The following DIMT1 variants were observed in gnomAD, a reference collection of about 807,000 sequenced individuals.
DIMT1 encodes dimethyladenosine transferase.
DIMT1 carries 36 observed loss-of-function variants against 43.2 expected under a neutral mutation model. The observed-to-expected ratio is 0.83, with a 90% confidence interval of 0.64 to 1.10. The LOEUF (loss-of-function observed/expected upper bound fraction) is 1.10, where lower values mean the gene tolerates loss of function less well. Ranked by LOEUF, DIMT1 falls within the 50% of genes least tolerant of loss-of-function variation. DIMT1 has a pLI of 0.00. For synonymous variants in DIMT1, 126 were observed against 130.3 expected (o/e 0.97, Z 0.22); for missense variants, 341 against 385.3 (o/e 0.88, Z 0.96).
At chr5:62,400,974 C>T (rs1461029667) in intron 3 of DIMT1, among the ~76,000 whole-genome samples, 1 of 151,944 alleles carries the variant, frequency 6.6e-6, no homozygotes, top group Admixed American at 6.6e-5. Context: ...TGGTCTTCAA[C>T]TCCTAGGCTC....
At chr5:62,398,790 A>G in intron 4 of DIMT1, 30 bp downstream of exon 4, 1 of 1,613,924 alleles carries the variant, frequency 6.2e-7, no homozygotes, top group Non-Finnish European at 8.5e-7. Flanking sequence ...TGAGATTGAA[A>G]TGCACTTTAA....
chr5:62,401,727 C>T (rs185958269), intron 3 of DIMT1, among the ~76,000 whole-genome samples: 5 of 151,198 alleles, frequency 3.3e-5, no homozygotes, highest in African/African-American at 9.7e-5. Context: ...GGACTACAGG[C>T]ACCTGCCACC....
chr5:62,391,908 TTC>T (rs1351224580), intron 10 of DIMT1: 32 of 1,534,226 alleles, frequency 2.1e-5, no homozygotes, highest in Middle Eastern at 3.4e-4. Flanking sequence ...CTGAATCTGA[TTC>T]TTGTTATGGC....
chr5:62,400,274 G>T (rs1196920692), intron 3 of DIMT1, among the ~76,000 whole-genome samples: 2 of 152,096 alleles, frequency 1.3e-5, no homozygotes, highest in South Asian at 4.2e-4. Context: ...AAGAGATGGG[G>T]TCTCACTCTG....
At chr5:62,394,171 T>C (rs991880091) in intron 7 of DIMT1, 124 bp from the exon 8 acceptor site, 7 of 981,222 alleles carry the variant, frequency 7.1e-6, no homozygotes, top group Non-Finnish European at 1.1e-5. Flanking sequence ...ATTATTTCAA[T>C]AATAAAAATC....
chr5:62,402,583 G>A (rs1429555199), intron 2 of DIMT1, among the ~76,000 whole-genome samples: 2 of 152,126 alleles, frequency 1.3e-5, no homozygotes, highest in Non-Finnish European at 2.9e-5. Flanking sequence ...AATATTCTAC[G>A]GCCATAGCTT....
chr5:62,403,383 TG>T, intron 1 of DIMT1, 37 bp from the exon 2 acceptor site: 1 of 1,587,616 alleles, frequency 6.3e-7, no homozygotes. Context: ...ATTTTCCTAC[TG>T]AGATTAGATA....
rs544652332 is a variant in DIMT1 at position 62,403,609 on chromosome 5, G to C, written c.79+85C>G. The stretch of plus-strand genomic sequence containing the variant: ...GAGCGCGTCCTGACCGGCCTCTGCC[G>C]ATCAGGTCTTGGTCCGCACCCCAGG... On this transcript the variant is annotated intron_variant, in intron 1 of 11. Coordinates refer to ENST00000199320, the MANE Select transcript of DIMT1 (RefSeq NM_014473.4). 4.7e-6 allele frequency: 7 copies of C among 1,476,368 alleles called. No homozygotes were observed. The South Asian group carries it at 7.2e-5, about 15-fold the overall frequency. The allele number at this position is 1,476,368 out of a possible 1,614,324, so 91.5% of individuals were successfully genotyped here. A position where few individuals can be genotyped will look rare whatever the true frequency, so the allele number is the denominator to read the frequency against.
chr5:62,390,998 T>C lies in DIMT1; in HGVS notation c.793-16A>G. 1 of 1,602,130 alleles carries C rather than the reference T, an allele frequency of 6.2e-7. No homozygotes were observed. Among genetic ancestry groups the C allele is most frequent in the African/African-American group, 1.3e-5 (1 of 74,816 alleles). Reference sequence around the variant, plus strand: ...CTGGTATTATCTATCAATATAAGATTCAGAATAAATGAACGACATATCTTT... The same window carrying C: ...CTGGTATTATCTATCAATATAAGATCCAGAATAAATGAACGACATATCTTT... On this transcript the variant is annotated splice_polypyrimidine_tract_variant and intron_variant, in intron 10 of 11. Transcript: ENST00000199320.
At chr5:62,402,214 G>A (rs773197017) in intron 2 of DIMT1, 92 bp from the exon 3 acceptor site, 19 of 1,237,736 alleles carry the variant, frequency 1.5e-5, no homozygotes, top group Non-Finnish European at 1.6e-5. Flanking sequence ...TATGTGCTCC[G>A]ATAAGAGCTC....
At chr5:62,399,158 C>T (rs530366154) in intron 3 of DIMT1, among the ~76,000 whole-genome samples, 14 of 151,338 alleles carry the variant, frequency 9.3e-5, no homozygotes, top group Admixed American at 9.2e-4. Context: ...GGTGAAACCC[C>T]ATCTCTACTA....
intron 9 of DIMT1, chr5:62,392,670 G>C (rs1471569660): frequency 5.2e-6 from 2 of 385,776 alleles, no homozygotes; most frequent in Non-Finnish European, 9.2e-6. Context: ...CAAAAAACTA[G>C]AGCAGATATA....
Position 62,394,598 on chromosome 5 carries a change from T to A in DIMT1, c.456A>T (p.Ile152=). 1 of 1,614,158 alleles carries A rather than the reference T, an allele frequency of 6.2e-7. No individual in the cohort carries two copies. Among genetic ancestry groups the A allele is most frequent in the Admixed American group, 1.7e-5 (1 of 60,030 alleles). ...LLHRPFFRCA[I]LMFQREFALR... ...GGGCAAATTCTCTTTGAAACATAAG[T>A]ATAGCACACCTGAAAAGAAAGCAGA... is the stretch of plus-strand genomic sequence containing the variant. Residue 152 remains isoleucine (I), a synonymous_variant, in exon 7 of 12, where the codon ATA becomes ATT. Transcript: ENST00000199320.
At chr5:62,390,161 G>A (rs1264121397) in intron 11 of DIMT1, among the ~76,000 whole-genome samples, 4 of 152,146 alleles carry the variant, frequency 2.6e-5, no homozygotes, top group Non-Finnish European at 4.4e-5. Flanking sequence ...AGCTTTAAAA[G>A]TGAATTGGCT....
intron 11 of DIMT1, among the ~76,000 whole-genome samples, chr5:62,389,479 C>CT (rs1178331344): frequency 1.2e-4 from 5 of 41,438 alleles, no homozygotes; most frequent in African/African-American, 7.3e-4. Context: ...GAGCAAGACT[C>CT]TGTCTCAAAA....
At chr5:62,391,102 T>A in intron 10 of DIMT1, 120 bp from the exon 11 acceptor site, 1 of 713,988 alleles carries the variant, frequency 1.4e-6, no homozygotes, top group Non-Finnish European at 2.3e-6. Flanking sequence ...TAATGAGACT[T>A]TGGAAAGCCT....
Position 62,391,906 on chromosome 5 carries a change from G to T in DIMT1, c.792+265C>A. 2.0e-6 allele frequency: 3 copies of T among 1,533,952 alleles called. No individual in the cohort carries two copies. The South Asian group carries it at 3.6e-5, about 18-fold the overall frequency. ...TGAGGAACCTGTAACTGCTGAATCT[G>T]ATTCTTGTTATGGCTAAAAACAACT... is the stretch of plus-strand genomic sequence containing the variant. On this transcript the variant is annotated intron_variant, in intron 10 of 11. Coordinates refer to ENST00000199320, the MANE Select transcript of DIMT1 (RefSeq NM_014473.4).
chr5:62,391,362 A>T (rs1381615085), intron 10 of DIMT1: 2 of 173,198 alleles, frequency 1.2e-5, no homozygotes, highest in African/African-American at 4.8e-5. Flanking sequence ...ATTTTTCTCA[A>T]AGAGGTGACC....
In DIMT1 at chr5:62,403,762, A is replaced by C. The variant is rs1472181423; in HGVS notation, c.11T>G (p.Val4Gly). 5 of 1,609,958 alleles carry C rather than the reference A, an allele frequency of 3.1e-6. No individual in the cohort carries two copies. The highest frequency in any genetic ancestry group is 1.3e-5 in the African/African-American group (1 of 74,792). The change falls in exon 1 of 12, where the codon GTC becomes GGC. Residue 4 changes from valine (V) to glycine (G), a missense_variant. Physicochemically the swap from Val to Gly is moderately radical, Grantham distance 109. Transcript: ENST00000199320. ...GCGGCGGCCGATGGCCCCCGACTTG[A>C]CCTTCGGCATCTCGGCAGAAAGCGG... MPK[V>G]KSGAIGRRRG...
Sources: gnomAD v4.1 joint callset for allele counts (sites outside exome capture counted in the v4.1 genomes callset) on GRCh38, gnomAD v4.1.1 for gene constraint, MANE v1.5 for transcripts, NCBI Gene and HGNC (gene_info 2026-07-23, HGNC 2026-07-21) for gene names.